Variants in KIAA1217 observed in about 807,000 individuals in gnomAD.
KIAA1217 encodes sickle tail protein homolog.
A neutral mutation model predicts 163.9 loss-of-function variants in KIAA1217; 88 were observed. The observed-to-expected ratio is 0.54, with a 90% confidence interval of 0.45 to 0.64. The LOEUF (loss-of-function observed/expected upper bound fraction) is 0.64. Ranked by LOEUF, KIAA1217 falls within the 30% of genes least tolerant of loss-of-function variation. KIAA1217 has a pLI of 0.00. For synonymous variants in KIAA1217, 903 were observed against 923.1 expected (o/e 0.98, Z 0.39); for missense variants, 2,372 against 2,475.0 (o/e 0.96, Z 0.88).
At chr10:24,511,652 AAAAC>A (rs1295653011) in intron 9 of KIAA1217, among the ~76,000 whole-genome samples, 3 of 152,216 alleles carry the variant, frequency 2.0e-5, no homozygotes, top group Admixed American at 6.5e-5. Context: ...CATCTCAAAA[AAAAC>A]AAACAAGCAA....
At chr10:24,230,358 A>C (rs1016242056) in intron 2 of KIAA1217, among the ~76,000 whole-genome samples, 4 of 152,114 alleles carry the variant, frequency 2.6e-5, no homozygotes, top group Non-Finnish European at 4.4e-5. Context: ...ATGCTCCACC[A>C]TGGCCTTTGA....
At chr10:24,486,753 G>A (rs375538967) in intron 6 of KIAA1217, among the ~76,000 whole-genome samples, 20 of 152,230 alleles carry the variant, frequency 1.3e-4, no homozygotes, top group South Asian at 8.3e-4. Context: ...CTCACCCTGC[G>A]TAAAATTTCA....
At chr10:23,750,214 T>A (rs1839659023) in intron 1 of KIAA1217, among the ~76,000 whole-genome samples, 1 of 152,236 alleles carries the variant, frequency 6.6e-6, no homozygotes, top group Non-Finnish European at 1.5e-5. Context: ...TCTGATCATG[T>A]CATTCTTCTG....
chr10:24,480,940 A>G (rs1470465594), intron 6 of KIAA1217, among the ~76,000 whole-genome samples: 1 of 152,178 alleles, frequency 6.6e-6, no homozygotes, highest in East Asian at 1.9e-4. Context: ...GGGCAAAAAG[A>G]CAAGCTAGGT....
At chr10:23,736,016 C>T (rs1256098523) in intron 1 of KIAA1217, among the ~76,000 whole-genome samples, 1 of 152,144 alleles carries the variant, frequency 6.6e-6, no homozygotes, top group African/African-American at 2.4e-5. Context: ...TAAGAAATTG[C>T]CCAACTATTT....
At chr10:24,386,951 T>C (rs368887136) in intron 3 of KIAA1217, among the ~76,000 whole-genome samples, 3 of 152,210 alleles carry the variant, frequency 2.0e-5, no homozygotes, top group African/African-American at 7.2e-5. Context: ...TTTATGAAAT[T>C]TGTTTTTTCT....
chr10:24,165,883 A>C (rs1189215477), intron 2 of KIAA1217, among the ~76,000 whole-genome samples: 1 of 152,188 alleles, frequency 6.6e-6, no homozygotes, highest in African/African-American at 2.4e-5. Flanking sequence ...CATTTGATTT[A>C]TCTTTGGGTG....
Position 23,746,435 on chromosome 10 carries a change from T to C in KIAA1217, c.-321+51201T>C, listed in dbSNP as rs939843137. Among the ~76,000 whole-genome samples the C allele has an allele frequency of 3.3e-5, 5 of 152,108 alleles. No homozygotes were observed. The East Asian group carries it at 9.6e-4, about 29-fold the overall frequency. ...ATTCTTTATTTTTTATTTTATTTTA[T>C]TTTTTCGAGACAGAGTCTTGCTCTG... On this transcript the variant is annotated intron_variant, in intron 1 of 18. Transcript: ENST00000376462.
chr10:24,481,989 C>T (rs1215231715), intron 6 of KIAA1217: 1 of 152,138 alleles, frequency 6.6e-6, no homozygotes, highest in East Asian at 1.9e-4. Context: ...AAGTGCTGAC[C>T]AACTGAATTG....
intron 1 of KIAA1217, among the ~76,000 whole-genome samples, chr10:23,853,571 A>G (rs1319510918): frequency 2.6e-5 from 4 of 152,148 alleles, no homozygotes; most frequent in Non-Finnish European, 2.9e-5. Flanking sequence ...ATTGATTGCA[A>G]TAGTTTCAGA....
chr10:23,755,715 G>C (rs1833886870), intron 1 of KIAA1217, among the ~76,000 whole-genome samples: 1 of 152,148 alleles, frequency 6.6e-6, no homozygotes, highest in South Asian at 2.1e-4. Context: ...AAAATAAGAA[G>C]TTTGACTGTG....
chr10:24,405,823 C>A (rs1312815119), intron 3 of KIAA1217, among the ~76,000 whole-genome samples: 1 of 152,180 alleles, frequency 6.6e-6, no homozygotes, highest in Non-Finnish European at 1.5e-5. Context: ...CCAGGGCTCT[C>A]TATCTCCTAA....
Position 23,853,345 on chromosome 10 carries a change from T to C in KIAA1217, c.-320-153880T>C, listed in dbSNP as rs187459248. 2.5e-3 allele frequency among the ~76,000 whole-genome samples: 388 copies of C among 152,334 alleles called. 1 individual carries two copies. The highest frequency in any genetic ancestry group is 7.3e-3 in the African/African-American group (305 of 41,574). On this transcript the variant is annotated intron_variant, in intron 1 of 18. Transcript: ENST00000376462. ...TGATTTGCATGTATTAAACCAGCCTTGCATCCCAGGGATGAAGCCCACTTG... is the reference window on the plus strand; with the variant it reads ...TGATTTGCATGTATTAAACCAGCCTCGCATCCCAGGGATGAAGCCCACTTG...
intron 2 of KIAA1217, among the ~76,000 whole-genome samples, chr10:24,377,571 TA>T (rs749808985): frequency 4.6e-5 from 7 of 152,226 alleles, no homozygotes; most frequent in Non-Finnish European, 8.8e-5. Context: ...TTTTTGGTAT[TA>T]AAGTATCTTT....
At chr10:24,284,665 G>A (rs1480212616) in intron 2 of KIAA1217, among the ~76,000 whole-genome samples, 1 of 152,112 alleles carries the variant, frequency 6.6e-6, no homozygotes, top group African/African-American at 2.4e-5. Flanking sequence ...TCTTTGCTGA[G>A]TTCTGTGTCT....
intron 1 of KIAA1217, among the ~76,000 whole-genome samples, chr10:23,758,651 T>TCTCC (rs1206083776): frequency 1.3e-4 from 15 of 112,156 alleles, no homozygotes; most frequent in African/African-American, 5.3e-4. Flanking sequence ...TCTCTCCCCC[T>TCTCC]CCCTCCCTCC....
intron 6 of KIAA1217, 31 bp from the exon 7 acceptor site, chr10:24,494,469 A>C (rs781490713): frequency 1.9e-6 from 3 of 1,565,972 alleles, no homozygotes; most frequent in Non-Finnish European, 2.6e-6. Context: ...AAGTCCATAA[A>C]GCTTTAACAA....
chr10:23,922,671 G>A lies in KIAA1217; in HGVS notation c.-320-84554G>A, dbSNP rs1477014571. Among the ~76,000 whole-genome samples the A allele has an allele frequency of 3.9e-5, 6 of 152,302 alleles. No homozygotes were observed. The East Asian group carries it at 1.2e-3, about 29-fold the overall frequency. On this transcript the variant is annotated intron_variant, in intron 1 of 18. Transcript: ENST00000376462. The stretch of plus-strand genomic sequence containing the variant: ...AAAATCCACACATTTGGTGTCAGAA[G>A]TGTAGTGAGCATAGAAAAACAATTT...
At chr10:23,919,115 A>G (rs1270702704) in intron 1 of KIAA1217, among the ~76,000 whole-genome samples, 1 of 152,066 alleles carries the variant, frequency 6.6e-6, no homozygotes, top group Non-Finnish European at 1.5e-5. Flanking sequence ...TTCAGTGTCT[A>G]TTGTCATTGG....
Sources: gnomAD v4.1 joint callset for allele counts (sites outside exome capture counted in the v4.1 genomes callset) on GRCh38, gnomAD v4.1.1 for gene constraint, MANE v1.5 for transcripts, NCBI Gene and HGNC (gene_info 2026-07-23, HGNC 2026-07-21) for gene names.